Variants in SMIM35 observed in about 807,000 individuals in gnomAD.
The protein encoded by SMIM35 is TMPRSS4 antisense RNA 1 (non-protein coding).
chr11:118,017,703 G>A (rs58551444), intron 1 of SMIM35, among the ~76,000 whole-genome samples: 1 of 152,038 alleles, frequency 6.6e-6, no homozygotes, highest in Non-Finnish European at 1.5e-5. Flanking sequence ...CCTGAGACTG[G>A]GTAATTTATA....
At chr11:118,039,152 T>C (rs1943960471) in intron 1 of SMIM35, among the ~76,000 whole-genome samples, 1 of 152,094 alleles carries the variant, frequency 6.6e-6, no homozygotes, top group Non-Finnish European at 1.5e-5. Flanking sequence ...TAGAATAAAT[T>C]AGAGCAGAGC....
At chr11:118,054,493 G>A (rs897230600) in intron 1 of SMIM35, among the ~76,000 whole-genome samples, 2 of 152,116 alleles carry the variant, frequency 1.3e-5, no homozygotes, top group Non-Finnish European at 2.9e-5. Context: ...TGTTTCAGAT[G>A]ACCAGTTATA....
intron 1 of SMIM35, among the ~76,000 whole-genome samples, chr11:118,058,423 C>T (rs1416392773): frequency 3.3e-5 from 5 of 152,224 alleles, no homozygotes; most frequent in South Asian, 2.1e-4. Flanking sequence ...GCGGGAGGGG[C>T]GCAGGCCTGG....
chr11:118,050,373 C>A (rs1359742610), intron 1 of SMIM35, among the ~76,000 whole-genome samples: 1 of 152,234 alleles, frequency 6.6e-6, no homozygotes, highest in African/African-American at 2.4e-5. Context: ...GGCCAAGGCC[C>A]CTGCCCAGAC....
At chr11:118,027,306 C>G in intron 1 of SMIM35, among the ~76,000 whole-genome samples, 1 of 150,652 alleles carries the variant, frequency 6.6e-6, no homozygotes, top group African/African-American at 2.4e-5. Context: ...GGATTACAGG[C>G]GTGAGCCACC....
chr11:118,076,715 A>G (rs1289784495), intron 1 of SMIM35, among the ~76,000 whole-genome samples: 1 of 152,054 alleles, frequency 6.6e-6, no homozygotes, highest in African/African-American at 2.4e-5. Context: ...CCTGGCAATG[A>G]TCTCTTTGTA....
At position 118,004,500 on chromosome 11, in the gene SMIM35, G is replaced by C. The variant is rs2058112138; in HGVS notation, c.*1910C>G. ...GGAGACAGAGGTGTGGAGGGAGAGGGGAGATGATGAGTTCTGGCTTAATAA... is the reference window on the plus strand; with the variant it reads ...GGAGACAGAGGTGTGGAGGGAGAGGCGAGATGATGAGTTCTGGCTTAATAA... On this transcript the variant is annotated 3_prime_UTR_variant, in exon 5 of 5. Coordinates refer to ENST00000689828, the MANE Select transcript of SMIM35 (RefSeq NM_001394165.1). The C allele has an allele frequency of 6.6e-6, 1 of 152,242 alleles. No homozygotes were observed. Among genetic ancestry groups the C allele is most frequent in the African/African-American group, 2.4e-5 (1 of 41,414 alleles). 9.4% of individuals were successfully genotyped at this position (152,242 alleles called of 1,614,324 possible). A position where few individuals can be genotyped will look rare whatever the true frequency, so the allele number is the denominator to read the frequency against.
At position 118,033,480 on chromosome 11, in the gene SMIM35, A is replaced by G. The variant is rs185958458; in HGVS notation, c.8-17671T>C. ...TGTGTATTTTTTTTCCTATTTCTTT[A>G]CAAACTGCCTTCTCTGTATAGTCAA... On this transcript the variant is annotated intron_variant, in intron 1 of 4. Transcript: ENST00000689828. Among the ~76,000 whole-genome samples the G allele has an allele frequency of 1.5e-3, 222 of 152,140 alleles. 1 individual carries two copies. Among genetic ancestry groups the G allele is most frequent in the African/African-American group, 5.0e-3 (209 of 41,450 alleles).
intron 1 of SMIM35, among the ~76,000 whole-genome samples, chr11:118,049,705 G>A (rs1287875337): frequency 1.3e-5 from 2 of 152,096 alleles, no homozygotes; most frequent in Non-Finnish European, 2.9e-5. Flanking sequence ...GGTCATATAT[G>A]TTTGAGTATA....
intron 1 of SMIM35, among the ~76,000 whole-genome samples, chr11:118,052,107 C>T (rs1036550036): frequency 6.6e-6 from 1 of 152,136 alleles, no homozygotes; most frequent in African/African-American, 2.4e-5. Flanking sequence ...GAGTTGCTGT[C>T]CAGGTTCAAA....
chr11:118,082,648 A>T (rs576995421), intron 1 of SMIM35, among the ~76,000 whole-genome samples: 2 of 152,360 alleles, frequency 1.3e-5, no homozygotes, highest in Admixed American at 1.3e-4. Flanking sequence ...AGGGAAAACC[A>T]GTAGCTATAA....
At chr11:118,041,027 A>T (rs1437778184) in intron 1 of SMIM35, among the ~76,000 whole-genome samples, 1 of 151,996 alleles carries the variant, frequency 6.6e-6, no homozygotes, top group Non-Finnish European at 1.5e-5. Flanking sequence ...GCTACATAGG[A>T]GTAATATTTC....
At chr11:118,069,719 GTAT>G (rs1944540343) in intron 1 of SMIM35, among the ~76,000 whole-genome samples, 1 of 152,160 alleles carries the variant, frequency 6.6e-6, no homozygotes, top group African/African-American at 2.4e-5. Context: ...CACAGTGAAT[GTAT>G]TATTCTGTTA....
At chr11:118,025,341 C>T (rs979180842) in intron 1 of SMIM35, 7 of 341,936 alleles carry the variant, frequency 2.0e-5, no homozygotes, top group Admixed American at 8.1e-5. Flanking sequence ...TGAAAAATCT[C>T]CAAACTGCTT....
chr11:118,042,599 T>C lies in SMIM35; in HGVS notation c.8-26790A>G, dbSNP rs1226544167. Among the ~76,000 whole-genome samples, 3 of 152,190 alleles carry C rather than the reference T, an allele frequency of 2.0e-5. No homozygotes were observed. In the East Asian group the frequency reaches 5.8e-4, roughly 29 times the overall value. ...TAGAAGAGGCTAAACACTTCCCAAC[T>C]CATTTTATAAGGCAAATATTACCCT... On this transcript the variant is annotated intron_variant, in intron 1 of 4. Coordinates refer to ENST00000689828, the MANE Select transcript of SMIM35 (RefSeq NM_001394165.1).
intron 1 of SMIM35, among the ~76,000 whole-genome samples, chr11:118,045,330 G>GCACATGCACACA (rs1555073988): frequency 6.8e-6 from 1 of 146,014 alleles, no homozygotes; most frequent in Non-Finnish European, 1.5e-5. Flanking sequence ...ATACACACAT[G>GCACATGCACACA]CACACACACA....
intron 1 of SMIM35, chr11:118,025,949 T>C: frequency 3.2e-6 from 1 of 313,220 alleles, no homozygotes; most frequent in Non-Finnish European, 6.0e-6. Flanking sequence ...GTCTTTAATT[T>C]ATCTTGAGTT....
intron 1 of SMIM35, among the ~76,000 whole-genome samples, chr11:118,083,256 A>C (rs754674419): frequency 1.2e-4 from 18 of 152,178 alleles, no homozygotes; most frequent in Admixed American, 4.6e-4. Flanking sequence ...TCCTCCTAGA[A>C]CTGTCTTTTG....
chr11:118,059,715 C>T (rs763906382), intron 1 of SMIM35, among the ~76,000 whole-genome samples: 1 of 152,120 alleles, frequency 6.6e-6, no homozygotes, highest in Non-Finnish European at 1.5e-5. Context: ...ATTCATTTGC[C>T]GCCTTACCTG....
Sources: allele counts gnomAD v4.1 joint callset (sites outside exome capture counted in the v4.1 genomes callset), GRCh38; gene constraint gnomAD v4.1.1; transcripts MANE v1.5; gene names NCBI Gene and HGNC (gene_info 2026-07-23, HGNC 2026-07-21).